THSD7B: variants seen among roughly 807,000 people sequenced by gnomAD.
THSD7B encodes the protein thrombospondin type-1 domain-containing protein 7B.
A neutral mutation model predicts 213.6 loss-of-function variants in THSD7B; 138 were observed. The observed-to-expected ratio is 0.65, with a 90% CI of 0.56 to 0.74. The LOEUF (loss-of-function observed/expected upper bound fraction) is 0.74, where lower values mean the gene tolerates loss of function less well. Ranked by LOEUF, THSD7B falls within the 30% of genes least tolerant of loss-of-function variation. The pLI, the probability that THSD7B is intolerant of heterozygous loss-of-function variation, is 0.00. For missense variants in THSD7B, 1,931 were observed against 1,991.5 expected (o/e 0.97, Z 0.58); for synonymous variants, 742 against 687.0 (o/e 1.08, Z -1.25).
chr2:137,372,977 T>C (rs1429409192), intron 12 of THSD7B, among the ~76,000 whole-genome samples: 2 of 151,686 alleles, frequency 1.3e-5, no homozygotes, highest in Non-Finnish European at 2.9e-5. Flanking sequence ...GATAGTTTAC[T>C]GAGAATGATG....
At chr2:137,319,981 G>A (rs982242992) in intron 12 of THSD7B, among the ~76,000 whole-genome samples, 2 of 152,158 alleles carry the variant, frequency 1.3e-5, no homozygotes, top group East Asian at 3.9e-4. Flanking sequence ...CTTGTGGCCT[G>A]GGAGATGGAG....
At chr2:137,584,844 G>C (rs962224996) in intron 17 of THSD7B, among the ~76,000 whole-genome samples, 8 of 152,178 alleles carry the variant, frequency 5.3e-5, no homozygotes, top group African/African-American at 1.9e-4. Context: ...GATGATGCTG[G>C]CCTCATAAAA....
At chr2:137,000,363 T>C (rs4954368) in intron 2 of THSD7B, among the ~76,000 whole-genome samples, 44,562 of 151,946 alleles carry the variant, frequency 0.29, 6,733 homozygotes, top group African/African-American at 0.37. Context: ...TCATAGAACC[T>C]ACAGTGTCTT....
intron 1 of THSD7B, among the ~76,000 whole-genome samples, chr2:136,877,833 G>A: frequency 6.6e-6 from 1 of 151,300 alleles, no homozygotes; most frequent in East Asian, 1.9e-4. Flanking sequence ...TTCCTGGGGG[G>A]AAAAAAAAGA....
intron 20 of THSD7B, among the ~76,000 whole-genome samples, chr2:137,631,497 CA>C (rs2104852755): frequency 6.6e-6 from 1 of 152,180 alleles, no homozygotes; most frequent in South Asian, 2.1e-4. Flanking sequence ...TCCCAGATGG[CA>C]TATAATTTTC....
chr2:137,621,017 C>T (rs1682510112), intron 20 of THSD7B, among the ~76,000 whole-genome samples: 1 of 152,160 alleles, frequency 6.6e-6, no homozygotes, highest in Non-Finnish European at 1.5e-5. Context: ...ATGTTGGCCT[C>T]AGTGGTTTTT....
intron 17 of THSD7B, among the ~76,000 whole-genome samples, chr2:137,607,879 A>G (rs1346854534): frequency 6.6e-6 from 1 of 152,210 alleles, no homozygotes; most frequent in African/African-American, 2.4e-5. Flanking sequence ...CTATGTGAGG[A>G]TGTCCCTGCC....
intron 2 of THSD7B, among the ~76,000 whole-genome samples, chr2:137,025,674 T>G (rs1407233446): frequency 1.3e-5 from 2 of 152,076 alleles, no homozygotes. Flanking sequence ...AGAAAATAAG[T>G]GTGTGGGAAG....
chr2:137,102,271 G>A (rs6709015), intron 4 of THSD7B, among the ~76,000 whole-genome samples: 150,628 of 152,354 alleles, frequency 0.99, 74,480 homozygotes, highest in Middle Eastern at 1. Context: ...ACCTCCAGCA[G>A]ACTCCAGCAG....
intron 26 of THSD7B, among the ~76,000 whole-genome samples, chr2:137,667,234 TTTGA>T (rs1197960499): frequency 6.6e-6 from 1 of 152,188 alleles, no homozygotes; most frequent in Non-Finnish European, 1.5e-5. Context: ...TATGAAAAAA[TTTGA>T]TTGACTATCT....
intron 15 of THSD7B, among the ~76,000 whole-genome samples, chr2:137,520,960 T>A (rs546485179): frequency 1.3e-5 from 2 of 152,302 alleles, no homozygotes; most frequent in South Asian, 4.1e-4. Flanking sequence ...CCATTGTGGG[T>A]GAACTCTTTG....
chr2:137,389,693 A>G (rs1031830244), intron 12 of THSD7B, among the ~76,000 whole-genome samples: 1 of 148,368 alleles, frequency 6.7e-6, no homozygotes, highest in African/African-American at 2.6e-5. Context: ...TAGTATTTTT[A>G]TACTTTTGCA....
chr2:137,645,199 T>G (rs948043269), intron 21 of THSD7B, among the ~76,000 whole-genome samples: 1 of 152,204 alleles, frequency 6.6e-6, no homozygotes, highest in Non-Finnish European at 1.5e-5. Flanking sequence ...TAAAGTACTT[T>G]GCATAGTAAT....
intron 14 of THSD7B, among the ~76,000 whole-genome samples, chr2:137,427,352 C>T (rs528911542): frequency 3.9e-5 from 6 of 152,160 alleles, no homozygotes; most frequent in Admixed American, 3.9e-4. Context: ...GTCTGCACTC[C>T]CATGTTCATT....
At chr2:137,540,600 A>G (rs1312040384) in intron 15 of THSD7B, among the ~76,000 whole-genome samples, 1 of 151,656 alleles carries the variant, frequency 6.6e-6, no homozygotes, top group Non-Finnish European at 1.5e-5. Flanking sequence ...TGAACTGTCC[A>G]GTGTTTCCCT....
intron 3 of THSD7B, among the ~76,000 whole-genome samples, chr2:137,058,928 T>A (rs963130095): frequency 6.6e-6 from 1 of 152,078 alleles, no homozygotes; most frequent in African/African-American, 2.4e-5. Context: ...AGAAATAGAT[T>A]TCTGTTGTTT....
Position 137,563,231 on chromosome 2 carries a change from C to G in THSD7B, c.3149C>G (p.Ala1050Gly). Residue 1050 changes from alanine (A) to glycine (G), a missense_variant, in exon 16 of 28, where the codon GCA becomes GGA. Coordinates refer to ENST00000409968, the MANE Select transcript of THSD7B (RefSeq NM_001316349.2). ...KLDLKNQVHE[A>G]VPCYSECNQY... ...TCCTGTTCTTGACAGGTACATGAGG[C>G]AGTCCCATGTTACAGTGAGTGCAAT... 6.2e-7 allele frequency: 1 copy of G among 1,613,182 alleles called. No individual in the cohort carries two copies. The highest frequency in any genetic ancestry group is 8.5e-7 in the Non-Finnish European group (1 of 1,179,422).
chr2:136,940,533 A>C (rs556792647), intron 2 of THSD7B, among the ~76,000 whole-genome samples: 1 of 151,598 alleles, frequency 6.6e-6, no homozygotes, highest in South Asian at 2.1e-4. Flanking sequence ...CTAGGACTAT[A>C]GATATGCACA....
intron 20 of THSD7B, among the ~76,000 whole-genome samples, chr2:137,636,109 G>T (rs1471228914): frequency 6.6e-6 from 1 of 152,094 alleles, no homozygotes; most frequent in African/African-American, 2.4e-5. Flanking sequence ...GCATTATTGT[G>T]AATTCCATAG....
Sources: gnomAD v4.1 joint callset for allele counts (sites outside exome capture counted in the v4.1 genomes callset) on GRCh38, gnomAD v4.1.1 for gene constraint, MANE v1.5 for transcripts, NCBI Gene and HGNC (gene_info 2026-07-23, HGNC 2026-07-21) for gene names.